Variants in NBAS observed in about 807,000 individuals in gnomAD.
NBAS encodes NAG/BC035112 fusion.
Under a neutral mutation model 302.5 loss-of-function variants are expected in NBAS, and 219 were observed. That is an observed-to-expected ratio of 0.72 (90% CI 0.65 to 0.81). NBAS has a LOEUF of 0.81. Among genes scored for constraint, NBAS ranks in the 30% least tolerant of loss-of-function variants. The probability of loss-of-function intolerance (pLI) is 0.00; values close to 1 mark genes in which losing one functional copy is unlikely to be tolerated. For synonymous variants in NBAS, 1,118 were observed against 1,021.6 expected, an observed-to-expected ratio of 1.09 and a Z score of -1.80; for missense variants, 2,932 against 2,841.6, an observed-to-expected ratio of 1.03 and a Z score of -0.72.
At chr2:14,788,959 C>G in the NBAS span, among the ~76,000 whole-genome samples, 1 of 152,222 alleles carries the variant, frequency 6.6e-6, no homozygotes, top group Admixed American at 6.5e-5. Context: ...GGCAGGCAGG[C>G]GTCCTTGAGC....
chr2:15,287,087 G>C lies in NBAS; in HGVS notation c.5124C>G (p.Leu1708=), dbSNP rs1052242007. The change falls in exon 42 of 52, where the codon CTC becomes CTG. Residue 1708 remains leucine (L), a synonymous_variant. Coordinates refer to ENST00000281513, the MANE Select transcript of NBAS (RefSeq NM_015909.4). ...TGTGTGCTTACCCACTGTCCGTGAA[G>C]AGGAACTCCAAATGGGTCATAAAAA... ...WEVFMTHLEF[L]FTDSGLSTLE... is the part of the protein sequence containing the mutation. The C allele has an allele frequency of 2.5e-6, 4 of 1,611,274 alleles. No homozygotes were observed. The highest frequency in any genetic ancestry group is 2.7e-5 in the African/African-American group (2 of 74,840).
In NBAS at chr2:15,315,282, A is replaced by C. The variant is rs192408049; in HGVS notation, c.4583-6035T>G. Among the ~76,000 whole-genome samples, 244 of 152,326 alleles carry C rather than the reference A, an allele frequency of 1.6e-3. 1 individual carries two copies. The highest frequency in any genetic ancestry group is 5.7e-3 in the African/African-American group (235 of 41,568). On this transcript the variant is annotated intron_variant, in intron 38 of 51. Coordinates refer to ENST00000281513, the MANE Select transcript of NBAS (RefSeq NM_015909.4). ...GAAGTTGGGTTTGGTTGATGAATAG[A>C]GGGGTGGAAAAATACAGGTACAGTA...
chr2:15,412,224 AACATCAAG>A (rs1676718229), intron 25 of NBAS, among the ~76,000 whole-genome samples: 1 of 152,160 alleles, frequency 6.6e-6, no homozygotes, highest in Non-Finnish European at 1.5e-5. Flanking sequence ...CTGCCCCATT[AACATCAAG>A]CTTGCCCATG....
chr2:15,315,312 T>C (rs1671458178), intron 38 of NBAS, among the ~76,000 whole-genome samples: 1 of 152,196 alleles, frequency 6.6e-6, no homozygotes, highest in Non-Finnish European at 1.5e-5. Context: ...ACAGTAAATG[T>C]GGCAATATTA....
chr2:15,467,080 T>A (rs570438733), intron 19 of NBAS, among the ~76,000 whole-genome samples: 7 of 152,098 alleles, frequency 4.6e-5, no homozygotes, highest in Non-Finnish European at 1.0e-4. Context: ...AGATTATAAA[T>A]CTAGAAAACA....
At chr2:15,219,865 CGGGCAGAG>C (rs927056342) in intron 47 of NBAS, among the ~76,000 whole-genome samples, 3 of 144,350 alleles carry the variant, frequency 2.1e-5, no homozygotes, top group African/African-American at 7.8e-5. Context: ...GGGTCGTGGC[CGGGCAGAG>C]GGGCTCCTCA....
At chr2:15,117,630 C>T in the NBAS span, among the ~76,000 whole-genome samples, 1 of 152,208 alleles carries the variant, frequency 6.6e-6, no homozygotes, top group Admixed American at 6.5e-5. Flanking sequence ...TGGTGGCATG[C>T]AGATGAGCTG....
At chr2:15,236,193 A>G (rs959849736) in intron 45 of NBAS, among the ~76,000 whole-genome samples, 2 of 152,106 alleles carry the variant, frequency 1.3e-5, no homozygotes, top group Non-Finnish European at 2.9e-5. Flanking sequence ...CCTTTGCATC[A>G]TATCTTAGAT....
At chr2:14,955,828 C>G in the NBAS span, among the ~76,000 whole-genome samples, 1 of 152,210 alleles carries the variant, frequency 6.6e-6, no homozygotes, top group African/African-American at 2.4e-5. Flanking sequence ...TCCCTCCTAC[C>G]TCTCCAGGCC....
At chr2:14,820,462 T>G in the NBAS span, among the ~76,000 whole-genome samples, 1 of 151,978 alleles carries the variant, frequency 6.6e-6, no homozygotes, top group Admixed American at 6.6e-5. Context: ...CTCTAAAAAT[T>G]AAAACAATTG....
At chr2:15,097,881 C>A in the NBAS span, among the ~76,000 whole-genome samples, 1 of 129,500 alleles carries the variant, frequency 7.7e-6, no homozygotes, top group African/African-American at 2.9e-5. Flanking sequence ...TGGTAAGTGT[C>A]CATTAAATGG....
At chr2:14,993,368 G>C in the NBAS span, among the ~76,000 whole-genome samples, 1 of 152,108 alleles carries the variant, frequency 6.6e-6, no homozygotes, top group Non-Finnish European at 1.5e-5. Flanking sequence ...ATGAGGAGGG[G>C]ACAGAGGAGC....
chr2:14,949,298 G>C, the NBAS span, among the ~76,000 whole-genome samples: 1 of 152,106 alleles, frequency 6.6e-6, no homozygotes, highest in Non-Finnish European at 1.5e-5. Context: ...AAAGTGAAAA[G>C]ACAATTCACA....
chr2:15,208,443 A>G (rs1402153416), intron 48 of NBAS, among the ~76,000 whole-genome samples: 1 of 152,202 alleles, frequency 6.6e-6, no homozygotes, highest in Non-Finnish European at 1.5e-5. Flanking sequence ...TCAGGCCCCA[A>G]TACATAATAG....
At chr2:14,849,101 GA>G in the NBAS span, among the ~76,000 whole-genome samples, 1 of 148,000 alleles carries the variant, frequency 6.8e-6, no homozygotes, top group Non-Finnish European at 1.5e-5. Context: ...GCTGAGAGAA[GA>G]AGGCTTCAGA....
At chr2:15,339,022 T>A (rs945721171) in intron 35 of NBAS, among the ~76,000 whole-genome samples, 7 of 151,952 alleles carry the variant, frequency 4.6e-5, no homozygotes, top group Non-Finnish European at 8.8e-5. Flanking sequence ...CTCTAAAAAA[T>A]TTTTTAAAAA....
the NBAS span, among the ~76,000 whole-genome samples, chr2:14,834,799 C>G: frequency 0.011 from 1,725 of 152,114 alleles, 40 homozygotes; most frequent in African/African-American, 0.039. Context: ...AGAATGATTT[C>G]TGTAAGCTGA....
At chr2:14,972,802 T>C in the NBAS span, among the ~76,000 whole-genome samples, 1 of 152,200 alleles carries the variant, frequency 6.6e-6, no homozygotes, top group Non-Finnish European at 1.5e-5. Flanking sequence ...GTAATCTAGT[T>C]TTATAAGAGG....
At chr2:15,320,544 G>A (rs1671750666) in intron 38 of NBAS, among the ~76,000 whole-genome samples, 1 of 152,140 alleles carries the variant, frequency 6.6e-6, no homozygotes, top group Non-Finnish European at 1.5e-5. Flanking sequence ...AACAACTTCA[G>A]CAAAGTCTCA....
Sources: allele counts gnomAD v4.1 joint callset (sites outside exome capture counted in the v4.1 genomes callset), GRCh38; gene constraint gnomAD v4.1.1; transcripts MANE v1.5; gene names NCBI Gene and HGNC (gene_info 2026-07-23, HGNC 2026-07-21).